Variants in TSC22D2 observed in about 807,000 individuals in gnomAD.
TSC22D2 encodes the protein TSC22 domain family protein 2.
In TSC22D2, 5 loss-of-function variants were observed where a neutral mutation model predicts 50.1. The ratio of observed to expected loss-of-function variants is 0.10; its 90% CI spans 0.05 to 0.21. TSC22D2 has a LOEUF of 0.21. Ranked by LOEUF, TSC22D2 falls within the 10% of genes least tolerant of loss-of-function variation. The pLI is 1.00. For missense variants in TSC22D2, 1,003 were observed against 1,015.5 expected (o/e 0.99, Z 0.17); for synonymous variants, 501 against 450.1 (o/e 1.11, Z -1.43).
At chr3:150,444,127 C>G (rs1720804315) in intron 1 of TSC22D2, among the ~76,000 whole-genome samples, 1 of 152,106 alleles carries the variant, frequency 6.6e-6, no homozygotes, top group Non-Finnish European at 1.5e-5. Context: ...CAACCAGATG[C>G]AAGGAACATC....
intron 1 of TSC22D2, among the ~76,000 whole-genome samples, chr3:150,423,990 G>C (rs73165711): frequency 0.036 from 5,541 of 152,212 alleles, 118 homozygotes; most frequent in Non-Finnish European, 0.062. Flanking sequence ...CATTAGAAAA[G>C]AGTATTGCTA....
chr3:150,438,876 A>G (rs1720629945), intron 1 of TSC22D2, among the ~76,000 whole-genome samples: 1 of 152,196 alleles, frequency 6.6e-6, no homozygotes, highest in Non-Finnish European at 1.5e-5. Flanking sequence ...TGCCAATATC[A>G]TATGAAAATG....
At chr3:150,441,618 G>A (rs1364389915) in intron 1 of TSC22D2, among the ~76,000 whole-genome samples, 1 of 152,106 alleles carries the variant, frequency 6.6e-6, no homozygotes, top group Non-Finnish European at 1.5e-5. Context: ...GCTGGGTGTG[G>A]TGGTGCACAC....
intron 1 of TSC22D2, among the ~76,000 whole-genome samples, chr3:150,413,561 GTTT>G (rs140269585): frequency 9.1e-6 from 1 of 110,120 alleles, no homozygotes; most frequent in Non-Finnish European, 1.9e-5. Flanking sequence ...TTTGTTTTGT[GTTT>G]TTTTTTTTTA....
In TSC22D2 at chr3:150,410,061, G is replaced by C; in HGVS notation, c.711G>C (p.Gly237=). Residue 237 remains glycine, a synonymous_variant, in exon 1 of 3, where the codon GGG becomes GGC. Transcript: ENST00000688009. ...VVVASMQGAH[G]PESGTDSSLT... ...TGGCCTCCATGCAGGGGGCGCACGG[G>C]CCCGAGTCGGGAACTGACAGCTCCT... 1 of 1,613,108 alleles carries C rather than the reference G, an allele frequency of 6.2e-7. No homozygotes were observed. Among genetic ancestry groups the C allele is most frequent in the Non-Finnish European group, 8.5e-7 (1 of 1,180,026 alleles).
rs973813357 is a variant in TSC22D2 at position 150,458,732 on chromosome 3, G to A, written c.*96G>A. The A allele has an allele frequency of 2.7e-6, 4 of 1,503,114 alleles. No homozygotes were observed. The African/African-American group carries it at 4.2e-5, about 16-fold the overall frequency. 93.1% of individuals were successfully genotyped at this position (1,503,114 alleles called of 1,614,324 possible). ...ACTTTATACGAAAGCAAGTAGCCATGCTTTGGTTGTGTGTTTGGCCTTTTC... is the reference window on the plus strand; with the variant it reads ...ACTTTATACGAAAGCAAGTAGCCATACTTTGGTTGTGTGTTTGGCCTTTTC... On this transcript the variant is annotated 3_prime_UTR_variant, in exon 3 of 3. Coordinates refer to ENST00000688009, the MANE Select transcript of TSC22D2 (RefSeq NM_001303264.2).
chr3:150,444,331 G>T (rs1476593564), intron 1 of TSC22D2, among the ~76,000 whole-genome samples: 4 of 152,104 alleles, frequency 2.6e-5, no homozygotes, highest in Non-Finnish European at 4.4e-5. Context: ...ATAATATATT[G>T]TAAGTTGTAT....
At chr3:150,426,907 T>G (rs1576546828) in intron 1 of TSC22D2, among the ~76,000 whole-genome samples, 4 of 152,170 alleles carry the variant, frequency 2.6e-5, no homozygotes, top group Admixed American at 6.5e-5. Context: ...AAAAAAAGTC[T>G]TCTTATTTAA....
rs1321323923 is a variant in TSC22D2, at chr3:150,409,311, A to G, written c.-40A>G. The G allele has an allele frequency of 1.3e-6, 2 of 1,548,722 alleles. No individual in the cohort carries two copies. Among genetic ancestry groups the G allele is most frequent in the Admixed American group, 1.9e-5 (1 of 53,142 alleles). The stretch of plus-strand genomic sequence containing the variant: ...CTCCCCGGTTTCCGACAGGACCCAG[A>G]GGAGCCGGCGTGCCTCTCTGCCCTC... On this transcript the variant is annotated 5_prime_UTR_variant, in exon 1 of 3. Coordinates refer to ENST00000688009, the MANE Select transcript of TSC22D2 (RefSeq NM_001303264.2). This position sits in a 1 kb window ranked among gnomAD's most constrained non-coding sequence, Gnocchi z 7.4.
Position 150,410,597 on chromosome 3 carries a change from G to A in TSC22D2, c.1247G>A (p.Gly416Asp), listed in dbSNP as rs776483445. Residue 416 changes from glycine (G) to aspartate (D), a missense_variant, in exon 1 of 3, where the codon GGC becomes GAC. Physicochemically the swap from Gly to Asp is moderately conservative, Grantham distance 94 (BLOSUM62 -1). Around this residue, in one of 6 missense-constraint regions of TSC22D2, gnomAD observed 696 missense variants for 647.8 expected, o/e 1.07. Coordinates refer to ENST00000688009, the MANE Select transcript of TSC22D2 (RefSeq NM_001303264.2). ...ATAATLPVGT[G>D]QNASSVGAQL... ...GCGGCCACCCTTCCCGTGGGCACCG[G>A]CCAGAATGCTTCCTCGGTGGGCGCG... 2.6e-6 allele frequency: 4 copies of A among 1,562,382 alleles called. No individual in the cohort carries two copies. Among genetic ancestry groups the A allele is most frequent in the Non-Finnish European group, 3.5e-6 (4 of 1,154,748 alleles).
At chr3:150,444,493 CAG>C (rs1165350789) in intron 1 of TSC22D2, among the ~76,000 whole-genome samples, 8 of 152,042 alleles carry the variant, frequency 5.3e-5, no homozygotes, top group African/African-American at 1.9e-4. Flanking sequence ...ATGGACGAAT[CAG>C]AGAAGTGGAG....
rs36122343 is a variant in TSC22D2, at chr3:150,410,161, G to A, written c.811G>A (p.Val271Ile). ...PTPAQPQSFS[V>I]GQPQPPPPPV... ...TCCGGCCCAGCCGCAGAGTTTTAGCGTTGGGCAGCCACAGCCGCCGCCGCC... is the reference window on the plus strand; with the variant it reads ...TCCGGCCCAGCCGCAGAGTTTTAGCATTGGGCAGCCACAGCCGCCGCCGCC... The change falls in exon 1 of 3, where the codon GTT (valine) becomes ATT (isoleucine). Residue 271 changes from valine to isoleucine, a missense_variant. By Grantham distance (29) the Val-to-Ile change is conservative (BLOSUM62 3). Around this residue, in one of 6 missense-constraint regions of TSC22D2, gnomAD observed 696 missense variants for 647.8 expected, o/e 1.07. Transcript: ENST00000688009. 5.5e-3 allele frequency: 8,936 copies of A among 1,610,508 alleles called. 433 individuals carry two copies. In the African/African-American group the frequency reaches 0.1, roughly 19 times the overall value.
intron 1 of TSC22D2, among the ~76,000 whole-genome samples, chr3:150,421,305 C>T (rs1719999171): frequency 6.6e-6 from 1 of 151,986 alleles, no homozygotes; most frequent in African/African-American, 2.4e-5. Context: ...CCATATGTTC[C>T]TGGGCAAGCC....
intron 1 of TSC22D2, among the ~76,000 whole-genome samples, chr3:150,444,746 A>C (rs1720824980): frequency 6.6e-6 from 1 of 152,196 alleles, no homozygotes. Context: ...GAAATGATAA[A>C]AACTTAGATG....
intron 1 of TSC22D2, among the ~76,000 whole-genome samples, chr3:150,425,323 G>A (rs528432136): frequency 1.4e-4 from 22 of 152,202 alleles, no homozygotes; most frequent in Non-Finnish European, 2.4e-4. Context: ...TCAGAAGTTC[G>A]AGACCAGCCT....
intron 2 of TSC22D2, 31 bp from the exon 3 acceptor site, chr3:150,458,345 C>A: frequency 6.3e-7 from 1 of 1,596,936 alleles, no homozygotes; most frequent in Non-Finnish European, 8.5e-7. Context: ...TCTTTTCACT[C>A]TTTTGACATT....
rs1462418171 is a variant in TSC22D2, at chr3:150,410,381, C to T, written c.1031C>T (p.Pro344Leu). Reference protein sequence around the residue: ...PAMSLPPQPGPAVGAPAAQQP... With the variant: ...PAMSLPPQPGLAVGAPAAQQP... ...ATGTCCCTGCCTCCGCAGCCGGGCCCTGCAGTGGGCGCCCCCGCGGCGCAG... is the reference window on the plus strand; with the variant it reads ...ATGTCCCTGCCTCCGCAGCCGGGCCTTGCAGTGGGCGCCCCCGCGGCGCAG... Residue 344 changes from proline (P) to leucine (L), a missense_variant, in exon 1 of 3, where the codon CCT becomes CTT. This residue lies in a region of TSC22D2 where 696 missense variants were observed against 647.8 expected (regional missense o/e 1.07). Coordinates refer to ENST00000688009, the MANE Select transcript of TSC22D2 (RefSeq NM_001303264.2). The T allele has an allele frequency of 6.2e-7, 1 of 1,605,560 alleles. No homozygotes were observed. The highest frequency in any genetic ancestry group is 8.5e-7 in the Non-Finnish European group (1 of 1,176,794).
chr3:150,454,849 G>A (rs1259515681), intron 1 of TSC22D2, among the ~76,000 whole-genome samples: 1 of 152,008 alleles, frequency 6.6e-6, no homozygotes, highest in Non-Finnish European at 1.5e-5. Context: ...TTCTTCTGTT[G>A]TCATAAAAGA....
chr3:150,436,375 G>A (rs1326799114), intron 1 of TSC22D2, among the ~76,000 whole-genome samples: 1 of 151,662 alleles, frequency 6.6e-6, no homozygotes, highest in Non-Finnish European at 1.5e-5. Context: ...CAAGCAGTCG[G>A]CCCTTTAACA....
Sources: allele counts gnomAD v4.1 joint callset (sites outside exome capture counted in the v4.1 genomes callset), GRCh38; gene constraint gnomAD v4.1.1; regional missense constraint gnomAD v4.1.1; non-coding constraint Gnocchi (gnomAD v3.1); transcripts MANE v1.5; gene names NCBI Gene and HGNC (gene_info 2026-07-23, HGNC 2026-07-21).